PTPRD: variants seen among roughly 807,000 people sequenced by gnomAD.
PTPRD encodes the protein receptor-type tyrosine-protein phosphatase delta.
PTPRD carries 34 observed loss-of-function variants against 214.5 expected under a neutral mutation model. The ratio of observed to expected loss-of-function variants is 0.16; its 90% CI spans 0.12 to 0.21. The LOEUF (loss-of-function observed/expected upper bound fraction) is 0.21. Among genes scored for constraint, PTPRD ranks in the 10% least tolerant of loss-of-function variants. PTPRD has a pLI of 1.00. For synonymous variants in PTPRD, 1,128 were observed against 845.7 expected, an observed-to-expected ratio of 1.33 and a Z score of -5.79; for missense variants, 2,545 against 2,398.7, an observed-to-expected ratio of 1.06 and a Z score of -1.27.
intron 2 of PTPRD, among the ~76,000 whole-genome samples, chr9:10,573,561 C>T (rs1380992315): frequency 2.0e-5 from 3 of 152,058 alleles, no homozygotes; most frequent in Admixed American, 2.0e-4. Flanking sequence ...GGAAGACTGA[C>T]ACACTCCTAG....
chr9:10,246,636 G>C (rs1595247353), intron 3 of PTPRD, among the ~76,000 whole-genome samples: 1 of 152,136 alleles, frequency 6.6e-6, no homozygotes, highest in Admixed American at 6.6e-5. Context: ...TGCCTATGAC[G>C]ACAGTGATGA....
At chr9:9,015,058 T>C (rs745383787) in intron 11 of PTPRD, among the ~76,000 whole-genome samples, 4 of 152,092 alleles carry the variant, frequency 2.6e-5, no homozygotes, top group Non-Finnish European at 5.9e-5. Context: ...TAAAATCAAT[T>C]TGTGTAAAAA....
intron 11 of PTPRD, among the ~76,000 whole-genome samples, chr9:8,808,462 C>CTTTTTTTTTTTTTTT (rs34627797): frequency 1.0e-5 from 1 of 98,816 alleles, no homozygotes; most frequent in African/African-American, 4.0e-5. Flanking sequence ...AGCCCCCCAC[C>CTTTTTTTTTTTTTTT]TTTTTTTTTT....
intron 11 of PTPRD, among the ~76,000 whole-genome samples, chr9:8,800,585 A>C (rs574136408): frequency 6.6e-6 from 1 of 152,332 alleles, no homozygotes; most frequent in African/African-American, 2.4e-5. Flanking sequence ...AATGTCAGGA[A>C]GTTATCCTAG....
chr9:9,588,436 C>G (rs2092340516), intron 7 of PTPRD, among the ~76,000 whole-genome samples: 1 of 151,878 alleles, frequency 6.6e-6, no homozygotes, highest in African/African-American at 2.4e-5. Context: ...AGCCAATCAA[C>G]TTAGGCAAGG....
chr9:10,203,930 A>G lies in PTPRD; in HGVS notation c.-545+137033T>C, dbSNP rs556094220. Among the ~76,000 whole-genome samples the G allele has an allele frequency of 1.8e-4, 27 of 152,336 alleles. No individual in the cohort carries two copies. In the South Asian group the frequency reaches 3.9e-3, roughly 22 times the overall value. On this transcript the variant is annotated intron_variant, in intron 3 of 45. Transcript: ENST00000381196. ...AAGGGCAAAGTTGAAGCTAAATCCTATCATCATTTCTATCCCTGCCTCAAT... is the reference window on the plus strand; with the variant it reads ...AAGGGCAAAGTTGAAGCTAAATCCTGTCATCATTTCTATCCCTGCCTCAAT...
At chr9:8,703,139 G>A (rs1220622576) in intron 12 of PTPRD, among the ~76,000 whole-genome samples, 1 of 152,196 alleles carries the variant, frequency 6.6e-6, no homozygotes, top group African/African-American at 2.4e-5. Context: ...TATACCAATA[G>A]TGAATCTGGA....
At chr9:9,428,175 G>A (rs1018268799) in intron 8 of PTPRD, among the ~76,000 whole-genome samples, 18 of 152,042 alleles carry the variant, frequency 1.2e-4, no homozygotes, top group African/African-American at 4.1e-4. Context: ...TCCATCTCAC[G>A]TGCAGAGACA....
chr9:9,653,165 A>AC (rs1392936431), intron 7 of PTPRD, among the ~76,000 whole-genome samples: 1 of 146,324 alleles, frequency 6.8e-6, no homozygotes, highest in African/African-American at 2.6e-5. Flanking sequence ...ACAAGGTGAA[A>AC]CCCCGTCTCT....
intron 12 of PTPRD, among the ~76,000 whole-genome samples, chr9:8,685,538 C>T (rs989046763): frequency 1.3e-5 from 2 of 152,132 alleles, no homozygotes; most frequent in East Asian, 3.9e-4. Flanking sequence ...ACATCAGGAA[C>T]AGTTGGAAAC....
chr9:9,385,767 G>A (rs1348726532), intron 9 of PTPRD, among the ~76,000 whole-genome samples: 2 of 152,048 alleles, frequency 1.3e-5, no homozygotes, highest in African/African-American at 4.8e-5. Flanking sequence ...CATAACTTTG[G>A]GGTGAATGTC....
At chr9:9,053,791 G>A (rs891068089) in intron 10 of PTPRD, among the ~76,000 whole-genome samples, 1 of 152,130 alleles carries the variant, frequency 6.6e-6, no homozygotes, top group African/African-American at 2.4e-5. Context: ...ATGTTGATTA[G>A]CAGGCTAGGT....
intron 10 of PTPRD, among the ~76,000 whole-genome samples, chr9:9,128,560 A>G (rs1592088391): frequency 2.0e-5 from 3 of 152,194 alleles, no homozygotes; most frequent in African/African-American, 7.2e-5. Context: ...AGCTAGCACA[A>G]ACAGATTTGG....
At chr9:9,778,537 T>C (rs973128058) in intron 5 of PTPRD, among the ~76,000 whole-genome samples, 2 of 152,158 alleles carry the variant, frequency 1.3e-5, no homozygotes, top group African/African-American at 4.8e-5. Context: ...AGGGCAAGAC[T>C]GGCTTCCCCA....
intron 8 of PTPRD, among the ~76,000 whole-genome samples, chr9:9,516,095 T>C (rs933337946): frequency 6.6e-6 from 1 of 152,160 alleles, no homozygotes; most frequent in Non-Finnish European, 1.5e-5. Context: ...ATTTTGAGTA[T>C]ACTCTAACTC....
chr9:10,109,936 T>G (rs561641451), intron 3 of PTPRD, among the ~76,000 whole-genome samples: 1 of 151,854 alleles, frequency 6.6e-6, no homozygotes, highest in African/African-American at 2.4e-5. Flanking sequence ...TTCAGCTGTT[T>G]CCTGATATAT....
chr9:8,353,842 A>G (rs12342519), intron 39 of PTPRD, among the ~76,000 whole-genome samples: 49 of 46,190 alleles, frequency 1.1e-3, no homozygotes, highest in African/African-American at 2.3e-3. Flanking sequence ...GTATATATGT[A>G]TATATGTATA....
chr9:9,735,382 T>C (rs1278377937), intron 6 of PTPRD, among the ~76,000 whole-genome samples: 1 of 152,136 alleles, frequency 6.6e-6, no homozygotes, highest in African/African-American at 2.4e-5. Context: ...CCTTTTGTCT[T>C]GGGAATCGAG....
rs148446738 is a variant in PTPRD at position 9,563,546 on chromosome 9, G to A, written c.-237+11186C>T. ...AGAATAGACCAATTCCAGAACTCAG[G>A]GACAGCCTACAGAGCTGGAGCATAG... On this transcript the variant is annotated intron_variant, in intron 8 of 45. Transcript: ENST00000381196. Among the ~76,000 whole-genome samples, 552 of 152,126 alleles carry A rather than the reference G, an allele frequency of 3.6e-3. 3 individuals are homozygous for A. Among genetic ancestry groups the A allele is most frequent in the African/African-American group, 0.012 (512 of 41,508 alleles).
Sources: allele counts gnomAD v4.1 joint callset (sites outside exome capture counted in the v4.1 genomes callset), GRCh38; gene constraint gnomAD v4.1.1; transcripts MANE v1.5; gene names NCBI Gene and HGNC (gene_info 2026-07-23, HGNC 2026-07-21).